Variants in GNB1L observed in about 807,000 individuals in gnomAD.
The protein encoded by GNB1L is G protein subunit beta 1 like, also known as guanine nucleotide-binding protein subunit beta-like protein 1.
GNB1L carries 20 observed loss-of-function variants against 29.1 expected under a neutral mutation model. The observed-to-expected ratio is 0.69, with a 90% CI of 0.48 to 1.00. The LOEUF (loss-of-function observed/expected upper bound fraction) is 1.00, where lower values mean the gene tolerates loss of function less well. Ranked by LOEUF, GNB1L falls within the 50% of genes least tolerant of loss-of-function variation. GNB1L has a pLI of 0.00. For synonymous variants in GNB1L, 193 were observed against 206.5 expected (o/e 0.93, Z 0.56); for missense variants, 421 against 464.9 (o/e 0.91, Z 0.87).
rs901859218 is a variant in GNB1L, at chr22:19,814,234, C to T, written c.255-1787G>A. ...CCATGGCTGGGAGGGATGAGGGAAA[C>T]GAGAATACCCCAGTAATAACAGGTG... On this transcript the variant is annotated intron_variant, in intron 4 of 7. Coordinates refer to ENST00000329517, the MANE Select transcript of GNB1L (RefSeq NM_053004.3). Among the ~76,000 whole-genome samples the T allele has an allele frequency of 5.7e-4, 86 of 152,054 alleles. 1 individual carries two copies. The highest frequency in any genetic ancestry group is 1.2e-3 in the Non-Finnish European group (82 of 68,016).
intron 2 of GNB1L, among the ~76,000 whole-genome samples, chr22:19,829,231 A>G (rs539370228): frequency 1.4e-4 from 21 of 152,382 alleles, no homozygotes; most frequent in African/African-American, 5.0e-4. Flanking sequence ...CTACAGATCT[A>G]TAATGGAACT....
intron 2 of GNB1L, among the ~76,000 whole-genome samples, chr22:19,828,546 T>C (rs1440080132): frequency 6.6e-6 from 1 of 151,952 alleles, no homozygotes; most frequent in Non-Finnish European, 1.5e-5. Context: ...TTTGGGATGC[T>C]GAAGAAGGAG....
At chr22:19,846,401 C>A in intron 2 of GNB1L, 1 of 984,456 alleles carries the variant, frequency 1.0e-6, no homozygotes, top group Non-Finnish European at 1.2e-6. Flanking sequence ...CACAACTGGG[C>A]ACTGCCTACT....
chr22:19,848,119 T>C, intron 2 of GNB1L: 1 of 984,724 alleles, frequency 1.0e-6, no homozygotes, highest in Non-Finnish European at 1.2e-6. Flanking sequence ...CATAGGACCT[T>C]ATCCTTAGTA....
In GNB1L at chr22:19,788,431, A is replaced by G. The variant is rs1937211757; in HGVS notation, c.*278T>C. ...GCCTGCAACTTGGCAATGGAAATTTATTATAAAATACCCTCAGCTGGCAAC... is the reference window on the plus strand; with the variant it reads ...GCCTGCAACTTGGCAATGGAAATTTGTTATAAAATACCCTCAGCTGGCAAC... On this transcript the variant is annotated 3_prime_UTR_variant, in exon 8 of 8. Transcript: ENST00000329517. 3.4e-6 allele frequency: 2 copies of G among 592,388 alleles called. No individual in the cohort carries two copies. Among genetic ancestry groups the G allele is most frequent in the African/African-American group, 3.7e-5 (2 of 53,732 alleles). The allele number at this position is 592,388 out of a possible 1,614,324, so 36.7% of individuals were successfully genotyped here.
At chr22:19,824,142 G>A (rs995038058) in intron 2 of GNB1L, among the ~76,000 whole-genome samples, 4 of 152,234 alleles carry the variant, frequency 2.6e-5, no homozygotes, top group African/African-American at 7.2e-5. Context: ...ATGATGCATC[G>A]GCAATTAAGG....
At chr22:19,795,108 T>C (rs1443559762) in intron 7 of GNB1L, among the ~76,000 whole-genome samples, 1 of 152,196 alleles carries the variant, frequency 6.6e-6, no homozygotes, top group African/African-American at 2.4e-5. Context: ...AAGTCGATGC[T>C]ACTGTTTAGT....
intron 2 of GNB1L, chr22:19,847,579 C>A: frequency 1.0e-6 from 1 of 985,138 alleles, no homozygotes; most frequent in Non-Finnish European, 1.2e-6. Flanking sequence ...GCAAGGCCAA[C>A]CTCCAGTCCC....
intron 2 of GNB1L, chr22:19,851,376 C>T (rs1938093098): frequency 6.2e-7 from 1 of 1,613,994 alleles, no homozygotes. Context: ...GGTGTGGGGG[C>T]TGCCTCCTCT....
chr22:19,812,534 A>G (rs757033811), intron 4 of GNB1L, 87 bp from the exon 5 acceptor site: 2 of 1,301,592 alleles, frequency 1.5e-6, no homozygotes, highest in Non-Finnish European at 2.1e-6. Flanking sequence ...AGGCAAGGCC[A>G]TGTTTCCAGA....
At chr22:19,800,094 C>A (rs1295702587) in intron 7 of GNB1L, among the ~76,000 whole-genome samples, 1 of 152,254 alleles carries the variant, frequency 6.6e-6, no homozygotes, top group Non-Finnish European at 1.5e-5. Context: ...TCCTGGTTCT[C>A]CCTTCTGCTC....
chr22:19,819,214 C>A (rs1465486478), intron 4 of GNB1L, among the ~76,000 whole-genome samples: 1 of 152,240 alleles, frequency 6.6e-6, no homozygotes, highest in African/African-American at 2.4e-5. Flanking sequence ...GACTGCCAGG[C>A]CCTCTTATTC....
At chr22:19,789,466 G>A (rs2145858311) in intron 7 of GNB1L, among the ~76,000 whole-genome samples, 1 of 152,152 alleles carries the variant, frequency 6.6e-6, no homozygotes, top group Non-Finnish European at 1.5e-5. Context: ...ACAGGGCTGG[G>A]AGCGCTGCCA....
intron 4 of GNB1L, among the ~76,000 whole-genome samples, chr22:19,815,643 G>T: frequency 6.6e-6 from 1 of 152,024 alleles, no homozygotes; most frequent in Non-Finnish European, 1.5e-5. Flanking sequence ...AGTGCAGTGG[G>T]GTGATCACAG....
chr22:19,851,758 G>T lies in GNB1L; in HGVS notation c.-21+2685C>A, dbSNP rs148672676. ...CCTTGAGATCCTGGCAGAAGAGCTC[G>T]TAATCGTCAGGCAGGGGCAGGTCCC... On this transcript the variant is annotated intron_variant, in intron 2 of 7. Transcript: ENST00000329517. 29 of 1,610,618 alleles carry T rather than the reference G, an allele frequency of 1.8e-5. No individual in the cohort carries two copies. The Admixed American group carries it at 4.7e-4, about 26-fold the overall frequency.
chr22:19,786,335 C>T lies in GNB1L; in HGVS notation c.*2374G>A, dbSNP rs375338930. 1.3e-5 allele frequency: 2 copies of T among 152,332 alleles called. No individual in the cohort carries two copies. The highest frequency in any genetic ancestry group is 6.5e-5 in the Admixed American group (1 of 15,284). The allele number at this position is 152,332 out of a possible 1,614,324, so 9.4% of individuals were successfully genotyped here. ...GCTCAAGGCCAGGCTAGGGGGCAGC[C>T]GCCTGCCATCCACCCTGCTTGTGCC... On this transcript the variant is annotated 3_prime_UTR_variant, in exon 8 of 8. Transcript: ENST00000329517.
intron 2 of GNB1L, chr22:19,846,874 C>A (rs1937974131): frequency 1.1e-6 from 1 of 945,356 alleles, no homozygotes; most frequent in Non-Finnish European, 1.3e-6. Flanking sequence ...TTGTTTAAGT[C>A]CCCTAGCCTG....
At chr22:19,836,730 C>T (rs1268639054) in intron 2 of GNB1L, among the ~76,000 whole-genome samples, 3 of 152,162 alleles carry the variant, frequency 2.0e-5, no homozygotes, top group Non-Finnish European at 4.4e-5. Context: ...CTGGAGCCAA[C>T]TGGCATTTAT....
In GNB1L at chr22:19,788,385, C is replaced by T; in HGVS notation, c.*324G>A. ...ATGCTAAGTGGGGGACCAGGGCCTC[C>T]TCAGGGAGCTCCCACCTCAAGCCTG... On this transcript the variant is annotated 3_prime_UTR_variant, in exon 8 of 8. Transcript: ENST00000329517. 1.7e-6 allele frequency: 1 copy of T among 587,926 alleles called. No homozygotes were observed. The highest frequency in any genetic ancestry group is 3.0e-6 in the Non-Finnish European group (1 of 330,004). 36.4% of individuals were successfully genotyped at this position (587,926 alleles called of 1,614,324 possible).
Sources: gnomAD v4.1 joint callset for allele counts (sites outside exome capture counted in the v4.1 genomes callset) on GRCh38, gnomAD v4.1.1 for gene constraint, MANE v1.5 for transcripts, NCBI Gene and HGNC (gene_info 2026-07-23, HGNC 2026-07-21) for gene names.